The following COL21A1 variants were observed in gnomAD, a reference collection of about 807,000 sequenced individuals.
COL21A1 encodes collagen alpha-1(XXI) chain.
A neutral mutation model predicts 137.9 loss-of-function variants in COL21A1; 149 were observed. The observed-to-expected ratio is 1.08, with a 90% CI of 0.95 to 1.24. The LOEUF (loss-of-function observed/expected upper bound fraction) is 1.24, where lower values mean the gene tolerates loss of function less well. Among genes scored for constraint, COL21A1 ranks in the 50% most tolerant of loss-of-function variants. The pLI is 0.00. For synonymous variants in COL21A1, 456 were observed against 391.5 expected (o/e 1.16, Z -1.95); for missense variants, 1,167 against 1,158.4 (o/e 1.01, Z -0.11).
chr6:56,291,880 A>G (rs558155676), intron 1 of COL21A1, among the ~76,000 whole-genome samples: 2 of 152,156 alleles, frequency 1.3e-5, no homozygotes, highest in South Asian at 4.1e-4. Flanking sequence ...CTTACATGTA[A>G]AGACTATTTT....
chr6:56,069,895 A>G (rs951815991), intron 21 of COL21A1, among the ~76,000 whole-genome samples: 1 of 151,384 alleles, frequency 6.6e-6, no homozygotes, highest in African/African-American at 2.4e-5. Context: ...ATTTATTTAC[A>G]TATGTGGAAT....
intron 1 of COL21A1, among the ~76,000 whole-genome samples, chr6:56,242,880 T>C (rs917964132): frequency 2.6e-5 from 4 of 152,230 alleles, no homozygotes; most frequent in Admixed American, 1.3e-4. Flanking sequence ...GGTATAACTG[T>C]AGTATTCCAG....
chr6:56,338,243 C>T (rs565869317), intron 1 of COL21A1, among the ~76,000 whole-genome samples: 55 of 152,132 alleles, frequency 3.6e-4, no homozygotes, highest in African/African-American at 1.2e-3. Flanking sequence ...GGATTACAGG[C>T]GTGAGGGGTT....
intron 10 of COL21A1, among the ~76,000 whole-genome samples, chr6:56,150,570 GT>G (rs1219846641): frequency 7.4e-6 from 1 of 135,448 alleles, no homozygotes; most frequent in African/African-American, 3.1e-5. Flanking sequence ...ACACACAAGA[GT>G]GGGGGGAACT....
At chr6:56,277,036 G>A (rs1350127161) in intron 1 of COL21A1, among the ~76,000 whole-genome samples, 1 of 151,674 alleles carries the variant, frequency 6.6e-6, no homozygotes, top group Admixed American at 6.6e-5. Context: ...TAGCCAGGAT[G>A]GTCTCAATCT....
intron 1 of COL21A1, among the ~76,000 whole-genome samples, chr6:56,372,572 C>G (rs1562076174): frequency 6.6e-6 from 1 of 152,152 alleles, no homozygotes; most frequent in Non-Finnish European, 1.5e-5. Context: ...TTCTTGTTTA[C>G]AAGTGACAGA....
intron 10 of COL21A1, among the ~76,000 whole-genome samples, chr6:56,142,607 A>G (rs1009484804): frequency 5.9e-5 from 9 of 152,196 alleles, no homozygotes; most frequent in Non-Finnish European, 1.2e-4. Flanking sequence ...TTGATAAAAT[A>G]GCACAATTTT....
intron 16 of COL21A1, among the ~76,000 whole-genome samples, chr6:56,114,203 G>A (rs1374866066): frequency 1.3e-5 from 2 of 152,154 alleles, no homozygotes; most frequent in Non-Finnish European, 2.9e-5. Flanking sequence ...AGGGTCATAG[G>A]GCCTTGAACG....
chr6:56,233,903 GA>G (rs1322369015), intron 1 of COL21A1, among the ~76,000 whole-genome samples: 1 of 151,778 alleles, frequency 6.6e-6, no homozygotes, highest in Non-Finnish European at 1.5e-5. Flanking sequence ...AAAAAACAAT[GA>G]GGGGGTAATT....
At chr6:56,061,143 A>ATATGTAAGG (rs1765767109) in intron 25 of COL21A1, 106 bp from the exon 26 acceptor site, 1 of 913,304 alleles carries the variant, frequency 1.1e-6, no homozygotes, top group East Asian at 2.9e-5. Flanking sequence ...ACATATGTAA[A>ATATGTAAGG]TATGTAAGGT....
intron 10 of COL21A1, among the ~76,000 whole-genome samples, chr6:56,147,272 A>C (rs1423106889): frequency 6.6e-6 from 1 of 151,832 alleles, no homozygotes; most frequent in Non-Finnish European, 1.5e-5. Context: ...ATAGTACTTA[A>C]CACCATCTGA....
chr6:56,366,708 C>A (rs1336923483), intron 1 of COL21A1, among the ~76,000 whole-genome samples: 1 of 152,196 alleles, frequency 6.6e-6, no homozygotes, highest in Non-Finnish European at 1.5e-5. Flanking sequence ...CAGGCCAACA[C>A]CTCTCAAAAG....
chr6:56,162,367 T>A, intron 9 of COL21A1, among the ~76,000 whole-genome samples: 1 of 152,076 alleles, frequency 6.6e-6, no homozygotes. Flanking sequence ...TAGGTGGCAA[T>A]AGGGCTAGAT....
At chr6:56,254,115 C>G (rs1003523719) in intron 1 of COL21A1, among the ~76,000 whole-genome samples, 2 of 152,208 alleles carry the variant, frequency 1.3e-5, no homozygotes, top group Non-Finnish European at 2.9e-5. Context: ...GCTTAGCTCA[C>G]ATTTCTCATA....
intron 1 of COL21A1, among the ~76,000 whole-genome samples, chr6:56,224,775 A>G (rs1380446263): frequency 6.6e-6 from 1 of 152,116 alleles, no homozygotes; most frequent in Non-Finnish European, 1.5e-5. Flanking sequence ...AAACAATGAC[A>G]TACTGGATTT....
At chr6:56,141,682 T>G in intron 12 of COL21A1, 103 bp downstream of exon 12, 1 of 1,268,334 alleles carries the variant, frequency 7.9e-7, no homozygotes, top group Non-Finnish European at 1.1e-6. Flanking sequence ...CCACAAATCT[T>G]AGAATTCACC....
chr6:56,250,757 T>C (rs1240568085), upstream of COL21A1, among the ~76,000 whole-genome samples: 3 of 152,238 alleles, frequency 2.0e-5, no homozygotes, highest in South Asian at 2.1e-4. Context: ...AGAAAACTAA[T>C]GCAGTTACCA....
chr6:56,290,389 C>A (rs1288683207), intron 1 of COL21A1, among the ~76,000 whole-genome samples: 2 of 152,034 alleles, frequency 1.3e-5, no homozygotes, highest in African/African-American at 4.8e-5. Context: ...AAAATGTCTC[C>A]AGACATTGCC....
At chr6:56,252,208 G>C (rs1305033621), upstream of COL21A1, among the ~76,000 whole-genome samples, 1 of 152,196 alleles carries the variant, frequency 6.6e-6, no homozygotes, top group East Asian at 1.9e-4. Context: ...AAAGATTCAA[G>C]TGGTCTGAGT....
Sources: allele counts gnomAD v4.1 joint callset (sites outside exome capture counted in the v4.1 genomes callset), GRCh38; gene constraint gnomAD v4.1.1; transcripts MANE v1.5; gene names NCBI Gene and HGNC (gene_info 2026-07-23, HGNC 2026-07-21).